ANKRD6: variants seen among roughly 807,000 people sequenced by gnomAD.
ANKRD6 encodes ankyrin repeat domain 6.
In ANKRD6, 56 loss-of-function variants were observed where a neutral mutation model predicts 82.3. That is an observed-to-expected ratio of 0.68 (90% CI 0.55 to 0.85). The LOEUF is 0.85. Ranked by LOEUF, ANKRD6 falls within the 40% of genes least tolerant of loss-of-function variation. The pLI, the probability that ANKRD6 is intolerant of heterozygous loss-of-function variation, is 0.00. For synonymous variants in ANKRD6, 347 were observed against 352.1 expected (o/e 0.99, Z 0.16); for missense variants, 852 against 907.6 (o/e 0.94, Z 0.79).
intron 13 of ANKRD6, among the ~76,000 whole-genome samples, chr6:89,626,048 A>G (rs1239071284): frequency 6.6e-6 from 1 of 152,042 alleles, no homozygotes; most frequent in Non-Finnish European, 1.5e-5. Context: ...TTTTTAAAAA[A>G]GTTTTTGCCA....
At chr6:89,587,476 A>G (rs947500421) in intron 2 of ANKRD6, among the ~76,000 whole-genome samples, 1 of 152,222 alleles carries the variant, frequency 6.6e-6, no homozygotes, top group Non-Finnish European at 1.5e-5. Flanking sequence ...CGACAGAGCG[A>G]GACTTCATCT....
intron 2 of ANKRD6, among the ~76,000 whole-genome samples, chr6:89,582,623 C>G (rs1159006456): frequency 6.6e-6 from 1 of 152,170 alleles, no homozygotes; most frequent in African/African-American, 2.4e-5. Flanking sequence ...CCATTAAACA[C>G]TAACTCCCCT....
intron 2 of ANKRD6, among the ~76,000 whole-genome samples, chr6:89,569,225 A>C (rs954187769): frequency 6.6e-6 from 1 of 152,098 alleles, no homozygotes; most frequent in African/African-American, 2.4e-5. Flanking sequence ...CCTAGTAAAA[A>C]TCTTCGTACC....
chr6:89,511,526 G>A (rs1780549630), intron 1 of ANKRD6, among the ~76,000 whole-genome samples: 1 of 152,238 alleles, frequency 6.6e-6, no homozygotes, highest in East Asian at 1.9e-4. Flanking sequence ...GGCCAGATCT[G>A]CCATTTATTA....
intron 3 of ANKRD6, among the ~76,000 whole-genome samples, chr6:89,596,641 T>C (rs1795985981): frequency 6.6e-6 from 1 of 152,128 alleles, no homozygotes; most frequent in Non-Finnish European, 1.5e-5. Flanking sequence ...ATTCAGGTTA[T>C]CTAGAGATGG....
chr6:89,480,821 A>G (rs1404689036), intron 1 of ANKRD6, among the ~76,000 whole-genome samples: 1 of 149,238 alleles, frequency 6.7e-6, no homozygotes, highest in Admixed American at 6.7e-5. Context: ...GCATGCCTGT[A>G]GTTTCAGCTA....
At chr6:89,470,708 C>T (rs1372157642) in intron 1 of ANKRD6, among the ~76,000 whole-genome samples, 1 of 151,932 alleles carries the variant, frequency 6.6e-6, no homozygotes, top group Non-Finnish European at 1.5e-5. Flanking sequence ...TGTTTTTCCT[C>T]TTATAACCAG....
chr6:89,629,410 C>A, intron 15 of ANKRD6, 172 bp downstream of exon 15: 1 of 862,452 alleles, frequency 1.2e-6, no homozygotes, highest in Non-Finnish European at 1.9e-6. Flanking sequence ...TACTCAGTTG[C>A]TATGTAATAA....
intron 1 of ANKRD6, among the ~76,000 whole-genome samples, chr6:89,500,350 A>G (rs939091794): frequency 3.7e-4 from 57 of 152,194 alleles, no homozygotes; most frequent in African/African-American, 1.3e-3. Flanking sequence ...TATTGAAGAT[A>G]GAAATACTAC....
chr6:89,582,912 A>G (rs1455203686), intron 2 of ANKRD6, among the ~76,000 whole-genome samples: 1 of 152,250 alleles, frequency 6.6e-6, no homozygotes, highest in Non-Finnish European at 1.5e-5. Context: ...ATGTAGAAAG[A>G]GCTCAACGGA....
chr6:89,565,099 T>C (rs1316793721), intron 1 of ANKRD6: 3 of 152,320 alleles, frequency 2.0e-5, no homozygotes, highest in African/African-American at 7.2e-5. Context: ...AAGCCCAGAC[T>C]GTGGCCGTTC....
intron 1 of ANKRD6, among the ~76,000 whole-genome samples, chr6:89,527,617 A>G (rs1374333754): frequency 6.6e-6 from 1 of 151,200 alleles, no homozygotes; most frequent in Admixed American, 6.6e-5. Context: ...AAAAAAAAAA[A>G]AAAAAAAAAG....
intron 5 of ANKRD6, among the ~76,000 whole-genome samples, chr6:89,607,332 ATATTTTTTTAACTGT>A: frequency 3.7e-4 from 1 of 2,668 alleles, no homozygotes. Flanking sequence ...AGCAGTAGTT[ATATTTTTTTAACTGT>A]GGGGAGGGAG....
intron 2 of ANKRD6, among the ~76,000 whole-genome samples, chr6:89,579,332 A>G (rs1336342010): frequency 6.6e-6 from 1 of 152,216 alleles, no homozygotes. Context: ...CAAATATAGT[A>G]GGCACTGAGG....
intron 1 of ANKRD6, among the ~76,000 whole-genome samples, chr6:89,479,089 C>T (rs1469391842): frequency 6.6e-6 from 1 of 152,136 alleles, no homozygotes; most frequent in Non-Finnish European, 1.5e-5. Flanking sequence ...TCAAAGAAGT[C>T]AAGTTCTCTG....
chr6:89,499,970 T>G (rs1779083879), intron 1 of ANKRD6, among the ~76,000 whole-genome samples: 1 of 152,128 alleles, frequency 6.6e-6, no homozygotes, highest in African/African-American at 2.4e-5. Flanking sequence ...CTAAAGCCTC[T>G]ATAAAATCGT....
intron 5 of ANKRD6, among the ~76,000 whole-genome samples, chr6:89,609,647 G>T (rs952171561): frequency 6.7e-6 from 1 of 149,256 alleles, no homozygotes; most frequent in Non-Finnish European, 1.5e-5. Flanking sequence ...TTGAGACAGA[G>T]TCTCACTCTG....
At chr6:89,622,620 C>T (rs1202357141) in intron 10 of ANKRD6, among the ~76,000 whole-genome samples, 4 of 152,160 alleles carry the variant, frequency 2.6e-5, no homozygotes, top group Admixed American at 6.5e-5. Context: ...GTCCCCTGGG[C>T]AGACCCACTG....
chr6:89,571,682 C>A (rs1042890442), intron 2 of ANKRD6, among the ~76,000 whole-genome samples: 3 of 152,122 alleles, frequency 2.0e-5, no homozygotes, highest in Admixed American at 6.6e-5. Context: ...GTATTGCTCC[C>A]GCCCCTAAAC....
Sources: gnomAD v4.1 joint callset for allele counts (sites outside exome capture counted in the v4.1 genomes callset) on GRCh38, gnomAD v4.1.1 for gene constraint, MANE v1.5 for transcripts, NCBI Gene and HGNC (gene_info 2026-07-23, HGNC 2026-07-21) for gene names.